TMEM80: variants seen among roughly 807,000 people sequenced by gnomAD.
TMEM80 encodes the protein transmembrane protein 80.
A neutral mutation model predicts 13.6 loss-of-function variants in TMEM80; 16 were observed. That is an observed-to-expected ratio of 1.17 (90% CI 0.79 to 1.78). The LOEUF is 1.78. Among genes scored for constraint, TMEM80 ranks in the 40% most tolerant of loss-of-function variants. TMEM80 has a pLI of 0.00. For missense variants in TMEM80, 167 were observed against 184.6 expected (o/e 0.90, Z 0.55); for synonymous variants, 92 against 89.5 (o/e 1.03, Z -0.16).
intron 2 of TMEM80, 195 bp downstream of exon 2, chr11:699,083 C>A: frequency 1.5e-6 from 1 of 658,634 alleles, no homozygotes. Flanking sequence ...CATCCCCTAC[C>A]TGCTCAGCCC....
upstream of TMEM80, chr11:695,692 G>T: frequency 8.0e-7 from 1 of 1,243,228 alleles, no homozygotes. Context: ...CCTCGGCCGT[G>T]GCTCGGACGT....
chr11:701,172 A>T (rs919354351), intron 4 of TMEM80: 6 of 187,148 alleles, frequency 3.2e-5, no homozygotes, highest in African/African-American at 1.4e-4. Context: ...CAAGTCTGCA[A>T]CCCCTTCCAG....
intron 1 of TMEM80, among the ~76,000 whole-genome samples, chr11:698,629 C>A (rs1364279571): frequency 6.6e-6 from 1 of 152,132 alleles, no homozygotes; most frequent in Non-Finnish European, 1.5e-5. Context: ...CCCGGTGCCC[C>A]CGGTACTCGC....
chr11:701,634 C>G (rs1321152942), intron 4 of TMEM80, among the ~76,000 whole-genome samples: 2 of 151,980 alleles, frequency 1.3e-5, no homozygotes, highest in Non-Finnish European at 2.9e-5. Flanking sequence ...TGGTTTCCAT[C>G]TCCTGACCTC....
chr11:700,049 C>A, intron 2 of TMEM80, 93 bp from the exon 3 acceptor site: 1 of 1,021,688 alleles, frequency 9.8e-7, no homozygotes, highest in Non-Finnish European at 1.5e-6. Context: ...TCTGTGGCCA[C>A]CAAACAGATG....
intron 1 of TMEM80, among the ~76,000 whole-genome samples, chr11:697,019 G>C (rs867650468): frequency 6.6e-6 from 1 of 151,614 alleles, no homozygotes; most frequent in Admixed American, 6.6e-5. Context: ...TGGTGGTGGG[G>C]GGGGTGGGGT....
intron 1 of TMEM80, chr11:698,068 G>A (rs1861280114): frequency 6.6e-6 from 1 of 152,282 alleles, no homozygotes; most frequent in South Asian, 2.1e-4. Flanking sequence ...GGTGCAGCTT[G>A]AGCCTCCTTT....
Position 695,817 on chromosome 11 carries a change from G to A in TMEM80, c.-11G>A. 1 of 1,232,300 alleles carries A rather than the reference G, an allele frequency of 8.1e-7. No individual in the cohort carries two copies. Among genetic ancestry groups the A allele is most frequent in the Non-Finnish European group, 1.0e-6 (1 of 987,308 alleles). 76.3% of individuals were successfully genotyped at this position (1,232,300 alleles called of 1,614,324 possible). On this transcript the variant is annotated 5_prime_UTR_variant, in exon 1 of 5. Coordinates refer to ENST00000397510, the MANE Select transcript of TMEM80 (RefSeq NM_001042463.3). ...CGGGATCGCGACGGACCGGCGGGCGGGGCGGGTAAGATGGCGGCCCCGCGG... is the reference window on the plus strand; with the variant it reads ...CGGGATCGCGACGGACCGGCGGGCGAGGCGGGTAAGATGGCGGCCCCGCGG...
At chr11:702,245 G>A (rs1023612023) in intron 4 of TMEM80, among the ~76,000 whole-genome samples, 1 of 152,246 alleles carries the variant, frequency 6.6e-6, no homozygotes, top group Non-Finnish European at 1.5e-5. Flanking sequence ...TGTCTTGTCT[G>A]CACTTACGTC....
At chr11:700,575 G>C in intron 3 of TMEM80, 40 bp from the exon 4 acceptor site, 1 of 1,510,564 alleles carries the variant, frequency 6.6e-7, no homozygotes, top group East Asian at 2.3e-5. Context: ...CTGCTGCTGT[G>C]CCAGGTTACT....
At chr11:700,086 A>C in intron 2 of TMEM80, 56 bp from the exon 3 acceptor site, 2 of 1,484,798 alleles carry the variant, frequency 1.3e-6, no homozygotes, top group South Asian at 2.3e-5. Flanking sequence ...TTGTTCAGCC[A>C]CCTGGGAGGC....
chr11:697,270 A>G (rs995899113), intron 1 of TMEM80, among the ~76,000 whole-genome samples: 1 of 152,204 alleles, frequency 6.6e-6, no homozygotes, highest in Non-Finnish European at 1.5e-5. Context: ...AACTAAGTGT[A>G]TACCAAAACA....
At position 703,879 on chromosome 11, in the gene TMEM80, C is replaced by T; in HGVS notation, c.*729C>T. On this transcript the variant is annotated 3_prime_UTR_variant, in exon 5 of 5. Transcript: ENST00000397510. ...AGCAGCGGAGGGCCACATTCGGAGC[C>T]TCCGTCCACTCCAGTTTTATCAGCT... is the stretch of plus-strand genomic sequence containing the variant. 8.1e-7 allele frequency: 1 copy of T among 1,239,296 alleles called. No homozygotes were observed. Among genetic ancestry groups the T allele is most frequent in the Non-Finnish European group, 1.0e-6 (1 of 993,170 alleles). 76.8% of individuals were successfully genotyped at this position (1,239,296 alleles called of 1,614,324 possible).
In TMEM80 at chr11:703,954, C is replaced by T; in HGVS notation, c.*804C>T. 1 of 1,240,054 alleles carries T rather than the reference C, an allele frequency of 8.1e-7. No homozygotes were observed. The highest frequency in any genetic ancestry group is 1.0e-6 in the Non-Finnish European group (1 of 992,954). The allele number at this position is 1,240,054 out of a possible 1,614,324, so 76.8% of individuals were successfully genotyped here. On this transcript the variant is annotated 3_prime_UTR_variant, in exon 5 of 5. Transcript: ENST00000397510. The stretch of plus-strand genomic sequence containing the variant: ...ACAAATTCTAGCTCTGTGTTTTTTT[C>T]CCATTCCCAGATTTACTATCAGTTC...
In TMEM80 at chr11:703,536, C is replaced by G; in HGVS notation, c.*386C>G. On this transcript the variant is annotated 3_prime_UTR_variant, in exon 5 of 5. Transcript: ENST00000397510. ...ACAGAGGCCTCATCTCACTGCATCC[C>G]CCATCACCCCCTAGTTCCCCAATGG... is the stretch of plus-strand genomic sequence containing the variant. 1 of 1,234,994 alleles carries G rather than the reference C, an allele frequency of 8.1e-7. No homozygotes were observed. Among genetic ancestry groups the G allele is most frequent in the Non-Finnish European group, 1.0e-6 (1 of 990,218 alleles). 76.5% of individuals were successfully genotyped at this position (1,234,994 alleles called of 1,614,324 possible). A position where few individuals can be genotyped will look rare whatever the true frequency, so the allele number is the denominator to read the frequency against.
In TMEM80 at chr11:700,193, G is replaced by A. The variant is rs140467794; in HGVS notation, c.91G>A (p.Ala31Thr). Residue 31 changes from alanine to threonine, a missense_variant, in exon 3 of 5, where the codon GCC (alanine) becomes ACC (threonine). Physicochemically the swap from Ala to Thr is moderately conservative, Grantham distance 58. Coordinates refer to ENST00000397510, the MANE Select transcript of TMEM80 (RefSeq NM_001042463.3). Reference protein sequence around the residue: ...MLFYLSGTYYALYFLATLLMI... With the variant: ...MLFYLSGTYYTLYFLATLLMI... ...GTTTTATCTCAGCGGAACGTACTAC[G>A]CCCTGTATTTCCTCGCCACGCTCCT... The A allele has an allele frequency of 3.1e-4, 503 of 1,614,088 alleles. 3 individuals carry two copies. In the African/African-American group the frequency reaches 5.0e-3, roughly 16 times the overall value.
chr11:703,284 C>T lies in TMEM80; in HGVS notation c.*134C>T. 7.0e-7 allele frequency: 1 copy of T among 1,438,390 alleles called. No individual in the cohort carries two copies. The highest frequency in any genetic ancestry group is 1.9e-4 in the Middle Eastern group (1 of 5,206). 89.1% of individuals were successfully genotyped at this position (1,438,390 alleles called of 1,614,324 possible). ...TGGCCATAGATGGTTTTGGATGGTT[C>T]CATCTGTTCTGGCAGGAGTGGGAGC... On this transcript the variant is annotated 3_prime_UTR_variant, in exon 5 of 5. Transcript: ENST00000397510.
chr11:697,602 A>G (rs1208211552), intron 1 of TMEM80: 2 of 152,240 alleles, frequency 1.3e-5, no homozygotes, highest in Non-Finnish European at 2.9e-5. Context: ...TAGCAGACAC[A>G]TTGGAAGTGT....
intron 1 of TMEM80, among the ~76,000 whole-genome samples, chr11:697,266 G>A (rs1861239044): frequency 6.6e-6 from 1 of 152,094 alleles, no homozygotes; most frequent in African/African-American, 2.4e-5. Context: ...AAAAAACTAA[G>A]TGTATACCAA....
Sources: allele counts gnomAD v4.1 joint callset (sites outside exome capture counted in the v4.1 genomes callset), GRCh38; gene constraint gnomAD v4.1.1; transcripts MANE v1.5; gene names NCBI Gene and HGNC (gene_info 2026-07-23, HGNC 2026-07-21).